Variants in ASH1L observed in about 807,000 individuals in gnomAD.
ASH1L encodes histone-lysine N-methyltransferase ASH1L.
ASH1L carries 23 observed loss-of-function variants against 269.0 expected under a neutral mutation model. That is an observed-to-expected ratio of 0.09 (90% CI 0.06 to 0.12). The LOEUF is 0.12. Among genes scored for constraint, ASH1L ranks in the 10% least tolerant of loss-of-function variants. The pLI is 1.00. For missense variants in ASH1L, 2,912 were observed against 3,567.8 expected (o/e 0.82, Z 4.68); for synonymous variants, 1,187 against 1,253.5 (o/e 0.95, Z 1.12).
intron 4 of ASH1L, among the ~76,000 whole-genome samples, chr1:155,458,363 A>T (rs930348916): frequency 2.0e-5 from 3 of 152,200 alleles, no homozygotes; most frequent in Admixed American, 6.5e-5. Flanking sequence ...CACAACTTCC[A>T]ACTGTGTTTA....
At position 155,347,840 on chromosome 1, in the gene ASH1L, T is replaced by A; in HGVS notation, c.7619A>T (p.Asn2540Ile). The change falls in exon 20 of 28, where the codon AAT becomes ATT. Residue 2540 changes from asparagine (N) to isoleucine (I), a missense_variant. Around this residue, in one of 13 missense-constraint regions of ASH1L, gnomAD observed 309 missense variants for 435.1 expected, o/e 0.71. Transcript: ENST00000392403. Reference protein sequence around the residue: ...DVCRLRKAYYNARHEASAQID... With the variant: ...DVCRLRKAYYIARHEASAQID... ...CTGGGCTGATGCCTCATGCCGGGCA[T>A]TGTAATAGGCCTTTCGTAGACGACA... is the stretch of plus-strand genomic sequence containing the variant. 6.2e-7 allele frequency: 1 copy of A among 1,614,228 alleles called. No homozygotes were observed. The highest frequency in any genetic ancestry group is 8.5e-7 in the Non-Finnish European group (1 of 1,180,042).
At chr1:155,361,706 A>AAAAC (rs1039648707) in intron 12 of ASH1L, among the ~76,000 whole-genome samples, 1 of 150,984 alleles carries the variant, frequency 6.6e-6, no homozygotes, top group Non-Finnish European at 1.5e-5. Context: ...TCCATCTCAA[A>AAAAC]AAACAAACAA....
In ASH1L at chr1:155,415,906, A is replaced by G; in HGVS notation, c.5846T>C (p.Val1949Ala). The change falls in exon 6 of 28, where the codon GTT becomes GCT. Residue 1949 changes from valine to alanine, a missense_variant. Around this residue, in one of 13 missense-constraint regions of ASH1L, gnomAD observed 789 missense variants for 897.6 expected, o/e 0.88. Coordinates refer to ENST00000392403, the MANE Select transcript of ASH1L (RefSeq NM_018489.3). ...GGTTTCAGAAGGACTGGGAATCTCA[A>G]CTGGTGCTTCATTAAAGCTAGAAAG... ...ENNKSFNEAP[V>A]EIPSPSETPA... The G allele has an allele frequency of 6.4e-7, 1 of 1,572,770 alleles. No individual in the cohort carries two copies. Among genetic ancestry groups the G allele is most frequent in the Non-Finnish European group, 8.6e-7 (1 of 1,162,346 alleles).
intron 25 of ASH1L, among the ~76,000 whole-genome samples, chr1:155,339,889 C>T (rs537366072): frequency 1.3e-5 from 2 of 152,140 alleles, no homozygotes; most frequent in African/African-American, 4.8e-5. Flanking sequence ...CAGTATGTTA[C>T]GACAGCTATG....
chr1:155,519,286 A>G (rs1056732484), intron 2 of ASH1L, among the ~76,000 whole-genome samples: 12 of 151,986 alleles, frequency 7.9e-5, no homozygotes, highest in African/African-American at 2.9e-4. Flanking sequence ...AAATACAAAA[A>G]TTAGCCGGGA....
chr1:155,343,355 A>C lies in ASH1L; in HGVS notation c.8252T>G (p.Val2751Gly). 6.2e-7 allele frequency: 1 copy of C among 1,614,192 alleles called. No homozygotes were observed. Among genetic ancestry groups the C allele is most frequent in the Non-Finnish European group, 8.5e-7 (1 of 1,180,028 alleles). Residue 2751 changes from valine to glycine, a missense_variant, in exon 24 of 28, where the codon GTG becomes GGG. By Grantham distance (109) the Val-to-Gly change is moderately radical. Around this residue, in one of 13 missense-constraint regions of ASH1L, gnomAD observed 179 missense variants for 293.8 expected, o/e 0.61. Transcript: ENST00000392403. This position sits in a 1 kb window ranked among gnomAD's most constrained non-coding sequence, Gnocchi z 6.1. ...LYEIIPLEAV[V>G]GTCCVLDLYT... Reference sequence around the variant, plus strand: ...AAGGTCCAACACACAGCAGGTCCCCACTACAGCCTCCAAGGGAATGATCTC... The same window carrying C: ...AAGGTCCAACACACAGCAGGTCCCCCCTACAGCCTCCAAGGGAATGATCTC...
rs140788008 is a variant in ASH1L, at chr1:155,456,138, A to G, written c.5086+3659T>C. Among the ~76,000 whole-genome samples the G allele has an allele frequency of 6.0e-3, 916 of 152,200 alleles. 8 individuals are homozygous for G. The highest frequency in any genetic ancestry group is 0.021 in the African/African-American group (862 of 41,532). ...ATCTCTGTTGAATTGAACTTTCTGA[A>G]GTTTCTGGTTTCCTATTTAGTTACT... On this transcript the variant is annotated intron_variant, in intron 4 of 27. Transcript: ENST00000392403.
At chr1:155,442,152 A>G (rs571090393) in intron 4 of ASH1L, among the ~76,000 whole-genome samples, 61 of 152,288 alleles carry the variant, frequency 4.0e-4, no homozygotes, top group Middle Eastern at 6.8e-3. Flanking sequence ...GTGAGATGAT[A>G]ACTGATTATT....
intron 19 of ASH1L, 98 bp from the exon 20 acceptor site, chr1:155,348,002 C>G: frequency 6.7e-7 from 1 of 1,494,934 alleles, no homozygotes; most frequent in Non-Finnish European, 9.1e-7. Flanking sequence ...TCTTTACCCT[C>G]CCATTTTGGT....
chr1:155,373,721 G>A (rs900294001), intron 10 of ASH1L, among the ~76,000 whole-genome samples: 5 of 151,858 alleles, frequency 3.3e-5, no homozygotes, highest in Non-Finnish European at 5.9e-5. Flanking sequence ...AGGCTGGAGT[G>A]CAGTGGCATG....
At chr1:155,503,130 G>A (rs1410704660) in intron 2 of ASH1L, among the ~76,000 whole-genome samples, 2 of 152,128 alleles carry the variant, frequency 1.3e-5, no homozygotes, top group Non-Finnish European at 2.9e-5. Context: ...CAGTAATTTT[G>A]CTAAGAAATG....
At chr1:155,406,843 A>T (rs1659333767) in intron 6 of ASH1L, among the ~76,000 whole-genome samples, 1 of 152,254 alleles carries the variant, frequency 6.6e-6, no homozygotes, top group Non-Finnish European at 1.5e-5. Flanking sequence ...TACAATTTAT[A>T]TCACGGACAA....
chr1:155,531,721 C>CT (rs1426834528), intron 1 of ASH1L, among the ~76,000 whole-genome samples: 1 of 152,120 alleles, frequency 6.6e-6, no homozygotes, highest in Non-Finnish European at 1.5e-5. Flanking sequence ...GAACAGTATG[C>CT]TTACAGGCAT....
chr1:155,502,586 A>C (rs547631358), intron 2 of ASH1L, among the ~76,000 whole-genome samples: 1 of 152,322 alleles, frequency 6.6e-6, no homozygotes, highest in Non-Finnish European at 1.5e-5. Flanking sequence ...AAGGAGCCAA[A>C]GAAATAGAGA....
Position 155,347,835 on chromosome 1 carries a change from G to A in ASH1L, c.7624C>T (p.Arg2542Trp), listed in dbSNP as rs1287101258. ...CRLRKAYYNA[R>W]HEASAQIDEI... Reference sequence around the variant, plus strand: ...TCAATCTGGGCTGATGCCTCATGCCGGGCATTGTAATAGGCCTTTCGTAGA... The same window carrying A: ...TCAATCTGGGCTGATGCCTCATGCCAGGCATTGTAATAGGCCTTTCGTAGA... Residue 2542 changes from arginine (R) to tryptophan (W), a missense_variant, in exon 20 of 28, where the codon CGG becomes TGG. Transcript: ENST00000392403. 6.2e-6 allele frequency: 10 copies of A among 1,614,224 alleles called. No individual in the cohort carries two copies. The East Asian group carries it at 6.7e-5, about 11-fold the overall frequency.
At chr1:155,400,751 T>C (rs1287839459) in intron 6 of ASH1L, among the ~76,000 whole-genome samples, 2 of 152,264 alleles carry the variant, frequency 1.3e-5, no homozygotes, top group Non-Finnish European at 2.9e-5. Context: ...CAGTCTACTT[T>C]CTGGAACAGA....
chr1:155,382,248 C>A (rs1012780694), intron 7 of ASH1L, among the ~76,000 whole-genome samples: 6 of 151,972 alleles, frequency 3.9e-5, no homozygotes, highest in Non-Finnish European at 8.8e-5. Context: ...CCTGTAATCC[C>A]AGCAGTTTGG....
At chr1:155,403,601 T>C (rs948652528) in intron 6 of ASH1L, among the ~76,000 whole-genome samples, 1 of 152,158 alleles carries the variant, frequency 6.6e-6, no homozygotes, top group African/African-American at 2.4e-5. Flanking sequence ...TGGCACATAA[T>C]AGGTATGCAA....
intron 2 of ASH1L, among the ~76,000 whole-genome samples, chr1:155,491,399 C>A (rs1666774818): frequency 1.3e-5 from 2 of 151,996 alleles, no homozygotes; most frequent in South Asian, 4.2e-4. Flanking sequence ...CTGTGCCTGG[C>A]CAAAATCTTT....
Sources: gnomAD v4.1 joint callset for allele counts (sites outside exome capture counted in the v4.1 genomes callset) on GRCh38, gnomAD v4.1.1 for gene constraint, gnomAD v4.1.1 regional missense constraint, Gnocchi (gnomAD v3.1) non-coding constraint, MANE v1.5 for transcripts, NCBI Gene and HGNC (gene_info 2026-07-23, HGNC 2026-07-21) for gene names.